KAZN: variants seen among roughly 807,000 people sequenced by gnomAD.
The protein encoded by KAZN is kazrin, periplakin interacting protein.
A neutral mutation model predicts 87.4 loss-of-function variants in KAZN; 40 were observed. The ratio of observed to expected loss-of-function variants is 0.46; its 90% CI spans 0.36 to 0.60. The LOEUF (loss-of-function observed/expected upper bound fraction) is 0.60. KAZN is among the 20% of genes least tolerant of loss of function. The pLI, the probability that KAZN is intolerant of heterozygous loss-of-function variation, is 0.00. For synonymous variants in KAZN, 466 were observed against 458.3 expected (o/e 1.02, Z -0.22); for missense variants, 898 against 1,073.9 (o/e 0.84, Z 2.29).
chr1:14,013,361 T>C (rs1028525683), intron 1 of KAZN, among the ~76,000 whole-genome samples: 3 of 152,198 alleles, frequency 2.0e-5, no homozygotes, highest in South Asian at 2.1e-4. Context: ...TGGATTCCCA[T>C]TGGGCAGAAC....
rs557270023 is a variant in KAZN at position 14,090,098 on chromosome 1, T to C, written c.92-90337T>C. 1.4e-4 allele frequency among the ~76,000 whole-genome samples: 22 copies of C among 152,258 alleles called. No individual in the cohort carries two copies. The South Asian group carries it at 4.6e-3, about 32-fold the overall frequency. On this transcript the variant is annotated intron_variant, in intron 1 of 16. Coordinates refer to the KAZN transcript ENST00000636203. ...ATGTGATTATTTTGTGACTGGCATGTTTTTCTTCATGTGTCTTTTGCTTGG... is the reference window on the plus strand; with the variant it reads ...ATGTGATTATTTTGTGACTGGCATGCTTTTCTTCATGTGTCTTTTGCTTGG...
rs186146266 is a variant in KAZN at position 15,047,191 on chromosome 1, C to G, written c.726+3032C>G. On this transcript the variant is annotated intron_variant, in intron 4 of 14. Transcript: ENST00000376030. ...TTGGAGGCAGAGAGAAGGGGCTTCA[C>G]GAGGAGCTGTGATGACCCCAGTCTT... is the stretch of plus-strand genomic sequence containing the variant. 9.8e-5 allele frequency among the ~76,000 whole-genome samples: 15 copies of G among 152,320 alleles called. No homozygotes were observed. In the East Asian group the frequency reaches 2.9e-3, roughly 29 times the overall value.
At chr1:14,370,842 G>A (rs910912510) in intron 2 of KAZN, among the ~76,000 whole-genome samples, 12 of 152,082 alleles carry the variant, frequency 7.9e-5, no homozygotes, top group African/African-American at 2.4e-4. Flanking sequence ...GTGCTACCAC[G>A]CCTGGCTAAT....
At chr1:14,248,214 C>T (rs747241440) in intron 2 of KAZN, among the ~76,000 whole-genome samples, 20 of 152,160 alleles carry the variant, frequency 1.3e-4, no homozygotes, top group Non-Finnish European at 2.4e-4. Context: ...CATAATAACA[C>T]GGGAATTCCA....
rs148273356 is a variant in KAZN at position 14,600,050 on chromosome 1, C to G, written c.226+827C>G. On this transcript the variant is annotated intron_variant, in intron 1 of 14. Transcript: ENST00000376030. ...CGGATGGGGCATTCCCTAAAATGTA[C>G]TGTTTGGTTTCTGTGACTTAGAAAG... Among the ~76,000 whole-genome samples, 46 of 152,280 alleles carry G rather than the reference C, an allele frequency of 3.0e-4. No homozygotes were observed. In the East Asian group the frequency reaches 8.9e-3, roughly 29 times the overall value.
At chr1:14,988,955 G>A (rs556996379) in intron 2 of KAZN, among the ~76,000 whole-genome samples, 1 of 152,330 alleles carries the variant, frequency 6.6e-6, no homozygotes, top group East Asian at 1.9e-4. Flanking sequence ...GACCTTGTCT[G>A]GTAGCTGCAG....
At chr1:14,303,835 A>G (rs998968609) in intron 2 of KAZN, among the ~76,000 whole-genome samples, 2 of 152,146 alleles carry the variant, frequency 1.3e-5, no homozygotes, top group Admixed American at 1.3e-4. Context: ...GTCTTGCATT[A>G]TTCTCTTTTC....
At chr1:14,081,198 A>G (rs1643661341) in intron 1 of KAZN, among the ~76,000 whole-genome samples, 2 of 151,898 alleles carry the variant, frequency 1.3e-5, no homozygotes, top group Admixed American at 1.3e-4. Flanking sequence ...CCTGCTGGCT[A>G]TTAGTTGTCA....
intron 2 of KAZN, among the ~76,000 whole-genome samples, chr1:14,466,841 C>T (rs567377337): frequency 9.2e-5 from 14 of 152,092 alleles, no homozygotes; most frequent in South Asian, 6.2e-4. Flanking sequence ...TGGTGGCGGG[C>T]GCCTGTGGTC....
chr1:14,392,142 G>A (rs377130648), intron 2 of KAZN, among the ~76,000 whole-genome samples: 63 of 152,276 alleles, frequency 4.1e-4, no homozygotes, highest in African/African-American at 1.3e-3. Flanking sequence ...GCCTTTAAAC[G>A]CAGTTTAAGC....
intron 1 of KAZN, among the ~76,000 whole-genome samples, chr1:14,857,652 C>G (rs910724252): frequency 6.6e-6 from 1 of 152,208 alleles, no homozygotes; most frequent in East Asian, 1.9e-4. Context: ...ATTAGAATTT[C>G]TGTGACTTTC....
At chr1:14,387,867 G>C (rs567778772) in intron 2 of KAZN, among the ~76,000 whole-genome samples, 31 of 152,306 alleles carry the variant, frequency 2.0e-4, no homozygotes, top group African/African-American at 7.5e-4. Context: ...CGGCTGCTTT[G>C]TTTACCTAAG....
intron 1 of KAZN, among the ~76,000 whole-genome samples, chr1:14,792,418 C>A (rs1275151967): frequency 2.0e-5 from 3 of 152,154 alleles, no homozygotes; most frequent in Non-Finnish European, 4.4e-5. Flanking sequence ...AAGTACTTAC[C>A]AAACGTGGTG....
At chr1:14,867,187 A>G (rs1272138043) in intron 1 of KAZN, among the ~76,000 whole-genome samples, 1 of 152,084 alleles carries the variant, frequency 6.6e-6, no homozygotes, top group Non-Finnish European at 1.5e-5. Flanking sequence ...GGGCCCTGTG[A>G]TCAATGGAGC....
chr1:14,866,033 G>A (rs372599673), intron 1 of KAZN, among the ~76,000 whole-genome samples: 14 of 152,276 alleles, frequency 9.2e-5, no homozygotes, highest in South Asian at 6.2e-4. Context: ...ATACATTTCC[G>A]TTGTTCTGAG....
In KAZN at chr1:13,975,744, C is replaced by T. The variant is rs566086201; in HGVS notation, c.91+81988C>T. Among the ~76,000 whole-genome samples, 20 of 152,242 alleles carry T rather than the reference C, an allele frequency of 1.3e-4. No homozygotes were observed. In the East Asian group the frequency reaches 1.5e-3, roughly 12 times the overall value. On this transcript the variant is annotated intron_variant, in intron 1 of 16. Coordinates refer to the KAZN transcript ENST00000636203. ...CCAGATCATGAACTAGTCGGGAACACGAGTCACGTCATGATGTTTTTTGTG... is the reference window on the plus strand; with the variant it reads ...CCAGATCATGAACTAGTCGGGAACATGAGTCACGTCATGATGTTTTTTGTG...
At chr1:14,649,945 C>T (rs1204843999) in intron 1 of KAZN, among the ~76,000 whole-genome samples, 3 of 151,556 alleles carry the variant, frequency 2.0e-5, no homozygotes, top group Non-Finnish European at 4.4e-5. Flanking sequence ...AAGCCAGGTA[C>T]AGGGCTTGGC....
At chr1:14,444,026 C>T (rs1666839737) in intron 2 of KAZN, among the ~76,000 whole-genome samples, 1 of 152,166 alleles carries the variant, frequency 6.6e-6, no homozygotes, top group African/African-American at 2.4e-5. Flanking sequence ...GCCACCTCAA[C>T]TCCTGTACTA....
chr1:15,030,950 G>C (rs1671628165), intron 2 of KAZN, among the ~76,000 whole-genome samples: 1 of 152,254 alleles, frequency 6.6e-6, no homozygotes. Flanking sequence ...TGGCCCAGCT[G>C]GCCTGCCTTC....
Sources: allele counts gnomAD v4.1 joint callset (sites outside exome capture counted in the v4.1 genomes callset), GRCh38; gene constraint gnomAD v4.1.1; transcripts MANE v1.5; gene names NCBI Gene and HGNC (gene_info 2026-07-23, HGNC 2026-07-21).